Variants in CPLANE1 observed in about 807,000 individuals in gnomAD.
CPLANE1 encodes the protein ciliogenesis and planar polarity effector complex subunit 1.
A neutral mutation model predicts 362.5 loss-of-function variants in CPLANE1; 263 were observed. That is an observed-to-expected ratio of 0.73 (90% confidence interval 0.66 to 0.80). The LOEUF (loss-of-function observed/expected upper bound fraction) is 0.80. CPLANE1 is among the 30% of genes least tolerant of loss of function. CPLANE1 has a pLI of 0.00. For synonymous variants in CPLANE1, 1,212 were observed against 1,302.6 expected (o/e 0.93, Z 1.50); for missense variants, 3,461 against 3,793.4 (o/e 0.91, Z 2.30).
rs757281263 is a variant in CPLANE1 at position 37,167,202 on chromosome 5, T to C, written c.7245A>G (p.Thr2415=). ...HLSPENRCKK[T]QLIPLENLIA... Reference sequence around the variant, plus strand: ...TGAGGTTTTCAAGTGGGATAAGTTGTGTTTTTTTGCACTACAAGAAAGAAA... The same window carrying C: ...TGAGGTTTTCAAGTGGGATAAGTTGCGTTTTTTTGCACTACAAGAAAGAAA... Residue 2415 remains threonine, a synonymous_variant, in exon 35 of 53, where the codon ACA becomes ACG. Coordinates refer to ENST00000651892, the MANE Select transcript of CPLANE1 (RefSeq NM_001384732.1). The C allele has an allele frequency of 3.7e-6, 6 of 1,608,626 alleles. No homozygotes were observed. The South Asian group carries it at 6.7e-5, about 18-fold the overall frequency.
At chr5:37,203,213 C>T (rs1019264516) in intron 18 of CPLANE1, among the ~76,000 whole-genome samples, 6 of 152,130 alleles carry the variant, frequency 3.9e-5, no homozygotes, top group African/African-American at 1.4e-4. Context: ...TATTCTCAGG[C>T]AACCCCTGAT....
chr5:37,221,775 G>A (rs565533782), intron 14 of CPLANE1, among the ~76,000 whole-genome samples: 5 of 152,188 alleles, frequency 3.3e-5, no homozygotes, highest in African/African-American at 1.2e-4. Flanking sequence ...GCAGTTGTCA[G>A]GGGCTCCTAT....
the CPLANE1 span, among the ~76,000 whole-genome samples, chr5:37,076,504 G>A: frequency 6.6e-6 from 1 of 151,774 alleles, no homozygotes; most frequent in Non-Finnish European, 1.5e-5. Flanking sequence ...TAGAGACAGG[G>A]TTTCACCATG....
chr5:37,096,656 C>T, the CPLANE1 span, among the ~76,000 whole-genome samples: 1 of 152,118 alleles, frequency 6.6e-6, no homozygotes, highest in South Asian at 2.1e-4. Context: ...ACAATCTATA[C>T]ATCCGACAAA....
chr5:37,151,460 G>C (rs1242405179), intron 42 of CPLANE1, among the ~76,000 whole-genome samples: 2 of 152,164 alleles, frequency 1.3e-5, no homozygotes, highest in African/African-American at 4.8e-5. Context: ...TTGAGAGTAG[G>C]TACTATGCCT....
chr5:37,194,683 G>C (rs1786726322), intron 21 of CPLANE1, among the ~76,000 whole-genome samples: 1 of 149,508 alleles, frequency 6.7e-6, no homozygotes, highest in African/African-American at 2.5e-5. Context: ...TTTAGGGACA[G>C]GCTCTCACTA....
intron 15 of CPLANE1, among the ~76,000 whole-genome samples, chr5:37,221,051 A>G (rs967253831): frequency 1.3e-5 from 2 of 152,228 alleles, no homozygotes; most frequent in African/African-American, 4.8e-5. Flanking sequence ...ACTTCAACAT[A>G]GTCCCTGCTA....
intron 46 of CPLANE1, among the ~76,000 whole-genome samples, chr5:37,137,989 G>A (rs1340684449): frequency 6.6e-6 from 1 of 151,642 alleles, no homozygotes. Flanking sequence ...AGTATATTCT[G>A]TGTGCAGATG....
rs749418435 is a variant in CPLANE1, at chr5:37,209,593, T to C, written c.2921-3168A>G. ...CTCTTAATAAGTGCCTCTAACTCTT[T>C]AGTGGCAGATCACTTACAAAGATGT... On this transcript the variant is annotated intron_variant, in intron 16 of 52. Coordinates refer to ENST00000651892, the MANE Select transcript of CPLANE1 (RefSeq NM_001384732.1). This position sits in a 1 kb window ranked among gnomAD's most constrained non-coding sequence, Gnocchi z 4.6. The C allele has an allele frequency of 7.1e-6, 10 of 1,412,020 alleles. No homozygotes were observed. The highest frequency in any genetic ancestry group is 1.4e-5 in the African/African-American group (1 of 70,962). The allele number at this position is 1,412,020 out of a possible 1,614,324, so 87.5% of individuals were successfully genotyped here.
chr5:37,141,444 T>A, intron 44 of CPLANE1: 1 of 983,830 alleles, frequency 1.0e-6, no homozygotes, highest in South Asian at 4.7e-5. Flanking sequence ...CTTTGTGAAG[T>A]GGAAATTATT....
intron 21 of CPLANE1, among the ~76,000 whole-genome samples, chr5:37,190,865 C>A (rs1032211355): frequency 6.6e-6 from 1 of 152,180 alleles, no homozygotes; most frequent in Admixed American, 6.6e-5. Flanking sequence ...CATATAAAAT[C>A]TAGCCCATAC....
intron 14 of CPLANE1, among the ~76,000 whole-genome samples, 155 bp downstream of exon 14, chr5:37,224,098 T>C (rs914607803): frequency 6.6e-6 from 1 of 152,206 alleles, no homozygotes; most frequent in Non-Finnish European, 1.5e-5. Flanking sequence ...CACTCTGAAA[T>C]TTAGAATTAT....
chr5:37,119,133 A>G (rs931146063), intron 50 of CPLANE1, among the ~76,000 whole-genome samples: 7 of 152,248 alleles, frequency 4.6e-5, no homozygotes, highest in African/African-American at 1.7e-4. Flanking sequence ...CAAATATGGC[A>G]CAATTAAAGA....
intron 16 of CPLANE1, chr5:37,212,067 C>T: frequency 1.1e-6 from 1 of 902,910 alleles, no homozygotes; most frequent in African/African-American, 1.6e-5. Flanking sequence ...GCAGAGTAAC[C>T]TACAAGAAAT....
intron 16 of CPLANE1, chr5:37,211,291 A>C: frequency 6.6e-7 from 1 of 1,509,936 alleles, no homozygotes; most frequent in East Asian, 2.3e-5. Context: ...CAAGAGGCGG[A>C]ACGCTTGGAA....
rs1278821839 is a variant in CPLANE1, at chr5:37,157,748, C to T, written c.7933G>A (p.Val2645Ile). Reference protein sequence around the residue: ...VIKQQSDHLAVPSSAELHYMA... With the variant: ...VIKQQSDHLAIPSSAELHYMA... Reference sequence around the variant, plus strand: ...TAATGTAACTCTGCAGACGATGGAACTGCTAGATGATCGCTTTGCTGTTTG... The same window carrying T: ...TAATGTAACTCTGCAGACGATGGAATTGCTAGATGATCGCTTTGCTGTTTG... The change falls in exon 40 of 53, where the codon GTT becomes ATT. Residue 2645 changes from valine to isoleucine, a missense_variant. Coordinates refer to ENST00000651892, the MANE Select transcript of CPLANE1 (RefSeq NM_001384732.1). 1.2e-6 allele frequency: 2 copies of T among 1,613,704 alleles called. No homozygotes were observed. Among genetic ancestry groups the T allele is most frequent in the Admixed American group, 3.3e-5 (2 of 59,974 alleles).
At chr5:37,247,538 A>T (rs1283691771) in intron 2 of CPLANE1, 80 bp downstream of exon 2, 3 of 1,238,958 alleles carry the variant, frequency 2.4e-6, no homozygotes, top group Non-Finnish European at 3.4e-6. Flanking sequence ...ATTTAAGATC[A>T]TAGAACACTC....
intron 24 of CPLANE1, 148 bp downstream of exon 24, chr5:37,186,138 A>C: frequency 2.0e-6 from 1 of 489,868 alleles, no homozygotes; most frequent in Non-Finnish European, 3.7e-6. Flanking sequence ...TCTGCAATGG[A>C]GAAATGTTTC....
chr5:37,112,623 C>G (rs926280061), intron 51 of CPLANE1, among the ~76,000 whole-genome samples: 8 of 152,212 alleles, frequency 5.3e-5, no homozygotes, highest in Non-Finnish European at 2.9e-5. Flanking sequence ...TATAACATAA[C>G]ACCAAACAGT....
Sources: gnomAD v4.1 joint callset for allele counts (sites outside exome capture counted in the v4.1 genomes callset) on GRCh38, gnomAD v4.1.1 for gene constraint, Gnocchi (gnomAD v3.1) non-coding constraint, MANE v1.5 for transcripts, NCBI Gene and HGNC (gene_info 2026-07-23, HGNC 2026-07-21) for gene names.